The following GMPS variants were observed in gnomAD, a reference collection of about 807,000 sequenced individuals.
The protein encoded by GMPS is GMP synthase [glutamine-hydrolyzing].
Under a neutral mutation model 77.9 loss-of-function variants are expected in GMPS, and 15 were observed. The ratio of observed to expected loss-of-function variants is 0.19; its 90% confidence interval spans 0.13 to 0.30. The LOEUF is 0.30. Ranked by LOEUF, GMPS falls within the 10% of genes least tolerant of loss-of-function variation. GMPS has a pLI of 1.00. For synonymous variants in GMPS, 224 were observed against 275.9 expected (o/e 0.81, Z 1.86); for missense variants, 590 against 838.8 (o/e 0.70, Z 3.66).
chr3:155,874,901 CT>C (rs1171275758), intron 1 of GMPS, among the ~76,000 whole-genome samples: 3,702 of 71,386 alleles, frequency 0.052, 25 homozygotes, highest in South Asian at 0.17. Flanking sequence ...ACTTTGTTTT[CT>C]TTTTTTTTTT....
At chr3:155,890,911 G>A (rs1321602638) in intron 1 of GMPS, among the ~76,000 whole-genome samples, 2 of 152,264 alleles carry the variant, frequency 1.3e-5, no homozygotes, top group East Asian at 1.9e-4. Context: ...GGCCAGCCCC[G>A]TTTGGATTAT....
chr3:155,922,399 A>G (rs1331546259), intron 11 of GMPS, 97 bp downstream of exon 11: 1 of 544,122 alleles, frequency 1.8e-6, no homozygotes, highest in African/African-American at 2.0e-5. Context: ...ATTATTTGAA[A>G]ATTTGGTGTA....
At chr3:155,935,508 T>C (rs145227439) in intron 14 of GMPS, among the ~76,000 whole-genome samples, 2 of 152,306 alleles carry the variant, frequency 1.3e-5, no homozygotes, top group Non-Finnish European at 2.9e-5. Context: ...GCCTATAATG[T>C]TGCTTCTAAA....
At chr3:155,929,402 A>G (rs1421574663) in intron 12 of GMPS, among the ~76,000 whole-genome samples, 1 of 152,100 alleles carries the variant, frequency 6.6e-6, no homozygotes, top group East Asian at 1.9e-4. Flanking sequence ...CCCACAGCCA[A>G]TATCATATTG....
At chr3:155,919,182 A>G (rs1263463456) in intron 9 of GMPS, 51 bp from the exon 10 acceptor site, 2 of 754,440 alleles carry the variant, frequency 2.7e-6, no homozygotes, top group Non-Finnish European at 4.5e-6. Flanking sequence ...TTTGTTTTCC[A>G]TGTCATCTTG....
intron 1 of GMPS, among the ~76,000 whole-genome samples, chr3:155,881,618 T>G (rs769993333): frequency 2.0e-5 from 3 of 152,220 alleles, no homozygotes; most frequent in African/African-American, 4.8e-5. Context: ...AAAATGTAAG[T>G]GGCATACAAA....
chr3:155,886,341 C>T (rs904820569), intron 1 of GMPS, among the ~76,000 whole-genome samples: 7 of 150,152 alleles, frequency 4.7e-5, no homozygotes, highest in African/African-American at 9.8e-5. Context: ...TTTGGGAGGC[C>T]GAGGCGGGTG....
At chr3:155,907,497 G>A (rs1167336607) in intron 5 of GMPS, among the ~76,000 whole-genome samples, 9 of 152,074 alleles carry the variant, frequency 5.9e-5, no homozygotes, top group Non-Finnish European at 1.3e-4. Flanking sequence ...GCTGAGGTGG[G>A]AGAATCATTT....
intron 13 of GMPS, among the ~76,000 whole-genome samples, chr3:155,932,649 T>C (rs962287419): frequency 1.3e-5 from 2 of 152,218 alleles, no homozygotes; most frequent in South Asian, 4.1e-4. Flanking sequence ...GTTTTCTTCA[T>C]GGGTGTTAGG....
At chr3:155,917,374 A>G (rs1755207549) in intron 9 of GMPS, among the ~76,000 whole-genome samples, 1 of 152,106 alleles carries the variant, frequency 6.6e-6, no homozygotes, top group South Asian at 2.1e-4. Flanking sequence ...AACAAACTCT[A>G]TACCCGTTAA....
chr3:155,891,618 T>C (rs540817442), intron 1 of GMPS, among the ~76,000 whole-genome samples: 110 of 151,260 alleles, frequency 7.3e-4, no homozygotes, highest in African/African-American at 2.6e-3. Context: ...TTTTTTTTTT[T>C]TTTTTGAGAT....
chr3:155,888,119 C>G (rs538039686), intron 1 of GMPS, among the ~76,000 whole-genome samples: 4 of 151,492 alleles, frequency 2.6e-5, no homozygotes, highest in African/African-American at 9.7e-5. Context: ...GCTGCATTGC[C>G]CAGACTAGTC....
chr3:155,934,585 T>G (rs971219158), intron 13 of GMPS, among the ~76,000 whole-genome samples: 1 of 152,236 alleles, frequency 6.6e-6, no homozygotes, highest in East Asian at 1.9e-4. Context: ...CCCCAGAGAT[T>G]CTGGGTGGGC....
At chr3:155,872,486 A>C (rs1753929659) in intron 1 of GMPS, among the ~76,000 whole-genome samples, 1 of 152,254 alleles carries the variant, frequency 6.6e-6, no homozygotes, top group Non-Finnish European at 1.5e-5. Flanking sequence ...TGATAGATGA[A>C]ATAACTGGTG....
chr3:155,927,294 T>C (rs977336394), intron 12 of GMPS, among the ~76,000 whole-genome samples: 6 of 152,184 alleles, frequency 3.9e-5, no homozygotes, highest in African/African-American at 9.6e-5. Context: ...TATATAAAAA[T>C]AGAATTGTGG....
intron 1 of GMPS, among the ~76,000 whole-genome samples, chr3:155,876,386 ATG>A (rs1177439680): frequency 2.0e-5 from 3 of 152,218 alleles, no homozygotes; most frequent in Non-Finnish European, 4.4e-5. Context: ...GTAAGGAAGG[ATG>A]TGTTACCAGT....
Position 155,931,780 on chromosome 3 carries a change from T to G in GMPS, c.1576T>G (p.Tyr526Asp). ...TTATTTTCAGGGTGACTGTCGTTCC[T>G]ACAGTTACGTGTGTGGAATCTCCAG... ...TVGVQGDCRS[Y>D]SYVCGISSKD... The change falls in exon 13 of 16, where the codon TAC becomes GAC. Residue 526 changes from tyrosine (Y) to aspartate (D), a missense_variant. Tyr to Asp is a radical substitution (Grantham distance 160, BLOSUM62 -3). Around this residue, in one of 6 missense-constraint regions of GMPS, gnomAD observed 89 missense variants for 95.9 expected, o/e 0.93. Transcript: ENST00000496455. The G allele has an allele frequency of 6.6e-7, 1 of 1,511,834 alleles. No homozygotes were observed. The highest frequency in any genetic ancestry group is 9.2e-7 in the Non-Finnish European group (1 of 1,087,896). 93.7% of individuals were successfully genotyped at this position (1,511,834 alleles called of 1,614,324 possible). A position where few individuals can be genotyped will look rare whatever the true frequency, so the allele number is the denominator to read the frequency against.
At chr3:155,933,081 A>G (rs1393966779) in intron 13 of GMPS, among the ~76,000 whole-genome samples, 1 of 152,028 alleles carries the variant, frequency 6.6e-6, no homozygotes, top group East Asian at 1.9e-4. Context: ...AGTCCCAGCT[A>G]CTCGGGAGGC....
At chr3:155,888,269 T>G (rs1217966850) in intron 1 of GMPS, among the ~76,000 whole-genome samples, 1 of 151,488 alleles carries the variant, frequency 6.6e-6, no homozygotes, top group Non-Finnish European at 1.5e-5. Flanking sequence ...TTGGTCGTTC[T>G]GAGTTCATAG....
Sources: allele counts gnomAD v4.1 joint callset (sites outside exome capture counted in the v4.1 genomes callset), GRCh38; gene constraint gnomAD v4.1.1; regional missense constraint gnomAD v4.1.1; transcripts MANE v1.5; gene names NCBI Gene and HGNC (gene_info 2026-07-23, HGNC 2026-07-21).